Variants in LPP observed in about 807,000 individuals in gnomAD.
The protein encoded by LPP is LIM domain containing preferred translocation partner in lipoma.
Under a neutral mutation model 60.4 loss-of-function variants are expected in LPP, and 38 were observed. The observed-to-expected ratio is 0.63, with a 90% confidence interval of 0.49 to 0.83. LPP has a LOEUF of 0.83. LPP is among the 40% of genes least tolerant of loss of function. The pLI is 0.00. For synonymous variants in LPP, 328 were observed against 290.8 expected (o/e 1.13, Z -1.30); for missense variants, 902 against 783.6 (o/e 1.15, Z -1.80).
chr3:188,240,107 C>T (rs944141478), intron 2 of LPP: 10 of 194,414 alleles, frequency 5.1e-5, no homozygotes, highest in African/African-American at 2.1e-4. Context: ...ATGGATACAT[C>T]TGTGACCTGG....
chr3:188,219,930 T>G (rs1207731384), intron 1 of LPP, among the ~76,000 whole-genome samples: 2 of 152,212 alleles, frequency 1.3e-5, no homozygotes, highest in African/African-American at 4.8e-5. Context: ...GAATAATCCT[T>G]GATCACCACC....
chr3:188,834,959 C>T (rs1233401179), intron 9 of LPP, among the ~76,000 whole-genome samples: 7 of 152,150 alleles, frequency 4.6e-5, no homozygotes, highest in Admixed American at 4.6e-4. Context: ...TAACTGATCT[C>T]TGAGAGAGGA....
chr3:188,202,329 G>T (rs1156890384), intron 1 of LPP, among the ~76,000 whole-genome samples: 1 of 152,152 alleles, frequency 6.6e-6, no homozygotes, highest in East Asian at 1.9e-4. Context: ...TGGACTTTTA[G>T]AGAATACATG....
chr3:188,441,228 G>A (rs1246925736), intron 4 of LPP, among the ~76,000 whole-genome samples: 2 of 152,074 alleles, frequency 1.3e-5, no homozygotes, highest in Non-Finnish European at 2.9e-5. Context: ...TCAACAACTA[G>A]TGTGTTCTAG....
chr3:188,658,160 T>A (rs944477581), intron 7 of LPP, among the ~76,000 whole-genome samples: 5 of 970 alleles, frequency 5.2e-3, no homozygotes, highest in East Asian at 0.083. Context: ...AGTTTAGTTT[T>A]AACGACAGAG....
chr3:188,210,247 G>A (rs1318290098), intron 1 of LPP, among the ~76,000 whole-genome samples: 4 of 152,008 alleles, frequency 2.6e-5, no homozygotes, highest in Non-Finnish European at 5.9e-5. Context: ...TCTGGATTTC[G>A]GTATCTCAGG....
At chr3:188,179,062 GAGAGT>G in intron 1 of LPP, 9 of 316,172 alleles carry the variant, frequency 2.8e-5, no homozygotes, top group Non-Finnish European at 5.0e-5. Flanking sequence ...GAGAGAGAGA[GAGAGT>G]GAGCAAGAGA....
At chr3:188,292,193 G>A (rs1374511820) in intron 2 of LPP, among the ~76,000 whole-genome samples, 4 of 152,076 alleles carry the variant, frequency 2.6e-5, no homozygotes, top group Non-Finnish European at 5.9e-5. Context: ...TTTTGCATGA[G>A]GTAATTAGGA....
chr3:188,503,134 A>G (rs1320812351), intron 5 of LPP, among the ~76,000 whole-genome samples: 1 of 151,634 alleles, frequency 6.6e-6, no homozygotes, highest in African/African-American at 2.4e-5. Flanking sequence ...TCTTTTGTGT[A>G]TATTCTGTAG....
At chr3:188,331,333 C>T (rs1317329130) in intron 2 of LPP, among the ~76,000 whole-genome samples, 1 of 152,258 alleles carries the variant, frequency 6.6e-6, no homozygotes, top group East Asian at 1.9e-4. Context: ...CCAGCCACTG[C>T]CAGGATATCA....
intron 6 of LPP, among the ~76,000 whole-genome samples, chr3:188,560,092 C>T (rs144640254): frequency 5.6e-4 from 85 of 152,230 alleles, no homozygotes; most frequent in African/African-American, 1.8e-3. Flanking sequence ...CTAATCTCTT[C>T]ACTGGTAAGA....
At chr3:188,184,354 C>T (rs1725948065) in intron 1 of LPP, among the ~76,000 whole-genome samples, 1 of 152,138 alleles carries the variant, frequency 6.6e-6, no homozygotes, top group African/African-American at 2.4e-5. Context: ...AGGAGCTCCC[C>T]ATCCAGGAGG....
chr3:188,355,757 A>C (rs992793319), intron 3 of LPP, among the ~76,000 whole-genome samples: 1 of 152,216 alleles, frequency 6.6e-6, no homozygotes, highest in Non-Finnish European at 1.5e-5. Context: ...ACGTTGTAGA[A>C]AAGTTTGATG....
intron 8 of LPP, among the ~76,000 whole-genome samples, chr3:188,745,152 T>C (rs1157410677): frequency 6.6e-6 from 1 of 152,152 alleles, no homozygotes; most frequent in Admixed American, 6.6e-5. Context: ...GATATTTCTG[T>C]GTGGTTCTCT....
At chr3:188,276,709 CTCTCTCTCTCTCTCTG>C (rs1739939851) in intron 2 of LPP, among the ~76,000 whole-genome samples, 5 of 112,514 alleles carry the variant, frequency 4.4e-5, no homozygotes, top group African/African-American at 1.6e-4. Flanking sequence ...CTCTCTCTCT[CTCTCTCTCTCTCTCTG>C]TCTGTCCTCC....
At chr3:188,239,140 G>A (rs942695266) in intron 2 of LPP, among the ~76,000 whole-genome samples, 1 of 152,194 alleles carries the variant, frequency 6.6e-6, no homozygotes, top group Admixed American at 6.5e-5. Context: ...AGTTGCCGTG[G>A]GGTTTCCCTC....
At chr3:188,218,457 A>C (rs1714504070) in intron 1 of LPP, among the ~76,000 whole-genome samples, 1 of 152,196 alleles carries the variant, frequency 6.6e-6, no homozygotes, top group South Asian at 2.1e-4. Context: ...TAATCAGCCT[A>C]AGCCCAGAGA....
chr3:188,758,325 T>A (rs1731057458), intron 8 of LPP, among the ~76,000 whole-genome samples: 2 of 152,046 alleles, frequency 1.3e-5, no homozygotes, highest in South Asian at 4.2e-4. Context: ...CACGCCCAGC[T>A]ATTTTTTGTA....
chr3:188,874,049 T>G (rs1768878990), intron 11 of LPP, among the ~76,000 whole-genome samples: 1 of 151,884 alleles, frequency 6.6e-6, no homozygotes, highest in South Asian at 2.1e-4. Flanking sequence ...AACTTCTACA[T>G]GGGAGCCAAG....
Sources: allele counts gnomAD v4.1 joint callset (sites outside exome capture counted in the v4.1 genomes callset), GRCh38; gene constraint gnomAD v4.1.1; transcripts MANE v1.5; gene names NCBI Gene and HGNC (gene_info 2026-07-23, HGNC 2026-07-21).